GRK5: variants seen among roughly 807,000 people sequenced by gnomAD.
GRK5 encodes the protein G protein-coupled receptor kinase 5.
GRK5 carries 40 observed loss-of-function variants against 78.4 expected under a neutral mutation model. The observed-to-expected ratio is 0.51, with a 90% confidence interval of 0.40 to 0.66. The LOEUF is 0.66. Ranked by LOEUF, GRK5 falls within the 30% of genes least tolerant of loss-of-function variation. The probability of loss-of-function intolerance (pLI) is 0.00; values close to 1 mark genes in which losing one functional copy is unlikely to be tolerated. For synonymous variants in GRK5, 289 were observed against 296.8 expected (o/e 0.97, Z 0.27); for missense variants, 598 against 759.9 (o/e 0.79, Z 2.50).
intron 1 of GRK5, among the ~76,000 whole-genome samples, chr10:119,250,981 G>A (rs190406505): frequency 8.7e-4 from 132 of 152,198 alleles, no homozygotes; most frequent in Middle Eastern, 3.4e-3. Context: ...CCATCAGCGC[G>A]TCTGCAAAAC....
chr10:119,391,530 C>T (rs904389964), intron 3 of GRK5, among the ~76,000 whole-genome samples: 1 of 152,170 alleles, frequency 6.6e-6, no homozygotes, highest in Admixed American at 6.5e-5. Flanking sequence ...GAGCCTCCAC[C>T]ACCCCGCAAC....
intron 3 of GRK5, among the ~76,000 whole-genome samples, chr10:119,396,147 C>G (rs533477218): frequency 1.3e-5 from 2 of 152,342 alleles, no homozygotes; most frequent in South Asian, 4.1e-4. Context: ...AGAGCTTGAT[C>G]ACTTCCGTCT....
rs563876140 is a variant in GRK5, at chr10:119,295,606, A to C, written c.53-30910A>C. ...AGAAACTGAGATATATATATATATGATGGAATACTACTCAGCCATAAAAAG... is the reference window on the plus strand; with the variant it reads ...AGAAACTGAGATATATATATATATGCTGGAATACTACTCAGCCATAAAAAG... On this transcript the variant is annotated intron_variant, in intron 1 of 15. Coordinates refer to ENST00000392870, the MANE Select transcript of GRK5 (RefSeq NM_005308.3). Among the ~76,000 whole-genome samples, 16 of 152,272 alleles carry C rather than the reference A, an allele frequency of 1.1e-4. 1 individual carries two copies. The highest frequency in any genetic ancestry group is 3.1e-4 in the African/African-American group (13 of 41,526).
At chr10:119,292,098 T>TTCC (rs1554903489) in intron 1 of GRK5, among the ~76,000 whole-genome samples, 4 of 40,476 alleles carry the variant, frequency 9.9e-5, no homozygotes, top group East Asian at 2.2e-3. Flanking sequence ...CCTTCTCCTC[T>TTCC]TCCTCCTTCT....
At position 119,304,284 on chromosome 10, in the gene GRK5, C is replaced by CTTTT. The variant is rs59740732; in HGVS notation, c.53-22210_53-22207dup. Among the ~76,000 whole-genome samples, 224 of 75,056 alleles carry CTTTT rather than the reference C, an allele frequency of 3.0e-3. 10 individuals carry two copies. The highest frequency in any genetic ancestry group is 6.6e-3 in the African/African-American group (131 of 19,862). 49.2% of individuals were successfully genotyped at this position (75,056 alleles called of 152,430 possible). A position where few individuals can be genotyped will look rare whatever the true frequency, so the allele number is the denominator to read the frequency against. Reference sequence around the variant, plus strand: ...AGCAGTATGCTAACTGTGTGAGCTGCTTTTTTTTTTTTTTTTTTTTTTTTT... The same window carrying CTTTT: ...AGCAGTATGCTAACTGTGTGAGCTGCTTTTTTTTTTTTTTTTTTTTTTTTTTTTT... On this transcript the variant is annotated intron_variant, in intron 1 of 15. Transcript: ENST00000392870.
chr10:119,224,554 C>T (rs545839798), intron 1 of GRK5, among the ~76,000 whole-genome samples: 2 of 151,940 alleles, frequency 1.3e-5, no homozygotes, highest in Non-Finnish European at 2.9e-5. Context: ...GGATTACAGG[C>T]GCCCGCCACC....
At chr10:119,308,008 A>G (rs1421640688) in intron 1 of GRK5, among the ~76,000 whole-genome samples, 2 of 152,098 alleles carry the variant, frequency 1.3e-5, no homozygotes, top group African/African-American at 4.8e-5. Context: ...CCCTGCCTCT[A>G]TGAGGCTCCA....
chr10:119,408,746 GAT>G (rs1852286109), intron 4 of GRK5, among the ~76,000 whole-genome samples: 11 of 152,228 alleles, frequency 7.2e-5, no homozygotes, highest in African/African-American at 2.2e-4. Flanking sequence ...TGTCTGTTGG[GAT>G]GATAAATATT....
chr10:119,225,796 G>T (rs144568782), intron 1 of GRK5, among the ~76,000 whole-genome samples: 1 of 148,366 alleles, frequency 6.7e-6, no homozygotes, highest in Admixed American at 6.8e-5. Context: ...TCAGCCTCCT[G>T]AGTAGCTGGG....
chr10:119,439,705 C>G (rs758299493), intron 9 of GRK5, 26 bp from the exon 10 acceptor site: 1 of 1,613,824 alleles, frequency 6.2e-7, no homozygotes, highest in Non-Finnish European at 8.5e-7. Context: ...TGCCCACACT[C>G]TGATGCTTGT....
At chr10:119,434,695 G>A (rs552580752) in intron 8 of GRK5, among the ~76,000 whole-genome samples, 115 of 152,202 alleles carry the variant, frequency 7.6e-4, no homozygotes, top group Non-Finnish European at 1.4e-3. Flanking sequence ...GTGTCTGCAG[G>A]TTTTCCAGGC....
chr10:119,337,675 A>C (rs536793914), intron 2 of GRK5, among the ~76,000 whole-genome samples: 41 of 152,000 alleles, frequency 2.7e-4, no homozygotes, highest in African/African-American at 9.7e-4. Flanking sequence ...GCTGGAGTGC[A>C]ATGGCACGAT....
At chr10:119,440,592 C>G (rs1853013023) in intron 10 of GRK5, among the ~76,000 whole-genome samples, 1 of 150,612 alleles carries the variant, frequency 6.6e-6, no homozygotes, top group South Asian at 2.1e-4. Context: ...CTCTTGTTGC[C>G]CAGGCTGGAG....
In GRK5 at chr10:119,375,799, C is replaced by T. The variant is rs144131914; in HGVS notation, c.149-5016C>T. On this transcript the variant is annotated intron_variant, in intron 2 of 15. Coordinates refer to ENST00000392870, the MANE Select transcript of GRK5 (RefSeq NM_005308.3). ...CCTTGAAGAAACAAACAACACATGT[C>T]GTTTTCTTGAAGCCAGTTCAGTCCA... Among the ~76,000 whole-genome samples the T allele has an allele frequency of 3.9e-5, 6 of 152,274 alleles. No homozygotes were observed. The East Asian group carries it at 1.2e-3, about 29-fold the overall frequency.
intron 1 of GRK5, among the ~76,000 whole-genome samples, chr10:119,304,251 A>G (rs1466225406): frequency 6.7e-6 from 1 of 149,280 alleles, no homozygotes; most frequent in African/African-American, 2.5e-5. Flanking sequence ...AGGGGAAAGC[A>G]GGGCAACAGC....
In GRK5 at chr10:119,431,347, A is replaced by G; in HGVS notation, c.598-40A>G. On this transcript the variant is annotated intron_variant, in intron 7 of 15. Coordinates refer to ENST00000392870, the MANE Select transcript of GRK5 (RefSeq NM_005308.3). This position sits in a 1 kb window ranked among gnomAD's most constrained non-coding sequence, Gnocchi z 4.8. ...CTGGAGGAGCTCGGGGCAGGCCTCC[A>G]CGGTGCTCCTGCCACCCTGGTTTCT... 1 of 1,594,488 alleles carries G rather than the reference A, an allele frequency of 6.3e-7. No homozygotes were observed. Among genetic ancestry groups the G allele is most frequent in the Non-Finnish European group, 8.5e-7 (1 of 1,170,132 alleles).
In GRK5 at chr10:119,238,532, C is replaced by G. The variant is rs1253565973; in HGVS notation, c.52+30563C>G. Among the ~76,000 whole-genome samples, 1 of 152,064 alleles carries G rather than the reference C, an allele frequency of 6.6e-6. No individual in the cohort carries two copies. The highest frequency in any genetic ancestry group is 1.5e-5 in the Non-Finnish European group (1 of 68,000). ...TAGTCTCAGTACATTAGGATTATTG[C>G]TAGAAATAAAGCATCCCTGGATCCT... On this transcript the variant is annotated intron_variant, in intron 1 of 15. Coordinates refer to ENST00000392870, the MANE Select transcript of GRK5 (RefSeq NM_005308.3). This position sits in a 1 kb window ranked among gnomAD's most constrained non-coding sequence, Gnocchi z 4.7.
intron 1 of GRK5, among the ~76,000 whole-genome samples, chr10:119,277,190 T>G (rs1267601690): frequency 6.6e-6 from 1 of 152,172 alleles, no homozygotes; most frequent in Non-Finnish European, 1.5e-5. Context: ...CCGCACCTTG[T>G]GTGTCGGGTG....
At chr10:119,261,227 G>T (rs1440081393) in intron 1 of GRK5, among the ~76,000 whole-genome samples, 2 of 149,110 alleles carry the variant, frequency 1.3e-5, no homozygotes, top group South Asian at 2.1e-4. Flanking sequence ...CAGACGGGGC[G>T]GCCGGGCAGA....
Sources: gnomAD v4.1 joint callset for allele counts (sites outside exome capture counted in the v4.1 genomes callset) on GRCh38, gnomAD v4.1.1 for gene constraint, Gnocchi (gnomAD v3.1) non-coding constraint, MANE v1.5 for transcripts, NCBI Gene and HGNC (gene_info 2026-07-23, HGNC 2026-07-21) for gene names.